The following ARMCX4 variants were observed in gnomAD, a reference collection of about 807,000 sequenced individuals.
The protein encoded by ARMCX4 is armadillo repeat-containing X-linked protein 4.
Under a neutral mutation model 34.7 loss-of-function variants are expected in ARMCX4, and 3 were observed. The ratio of observed to expected loss-of-function variants is 0.09; its 90% CI spans 0.04 to 0.22. ARMCX4 has a LOEUF of 0.22. Ranked by LOEUF, ARMCX4 falls within the 10% of genes least tolerant of loss-of-function variation. ARMCX4 has a pLI of 1.00. For missense variants in ARMCX4, 1,448 were observed against 1,720.8 expected, an observed-to-expected ratio of 0.84 and a Z score of 2.81; for synonymous variants, 513 against 632.8, an observed-to-expected ratio of 0.81 and a Z score of 2.84.
Position 101,491,005 on chromosome X carries a change from A to G in ARMCX4, c.2416A>G (p.Asn806Asp), listed in dbSNP as rs782714483. ...SHCETLPGAK[N>D]KVRGNWNAVS... ...TTGTGAGACCTTGCCTGGTGCCAAG[A>G]ATAAGGTCAGGGGAAATTGGAATGC... Residue 806 changes from asparagine to aspartate, a missense_variant, in exon 6 of 6, where the codon AAT becomes GAT. Asn to Asp is a conservative substitution (Grantham distance 23). Around this residue, in one of 2 missense-constraint regions of ARMCX4, gnomAD observed 1,343 missense variants for 1,540.7 expected, o/e 0.87. Transcript: ENST00000423738. 8.7e-7 allele frequency: 1 copy of G among 1,153,088 alleles called. No individual in the cohort carries two copies. The highest frequency in any genetic ancestry group is 1.8e-5 in the African/African-American group (1 of 55,322).
At position 101,489,273 on chromosome X, in the gene ARMCX4, T is replaced by A. The variant is rs1171634334; in HGVS notation, c.684T>A (p.Thr228=). Residue 228 remains threonine, a synonymous_variant, in exon 6 of 6, where the codon ACT becomes ACA. Transcript: ENST00000423738. ...CCAAGATGGGGGCCACGAACAAGAC[T>A]GGAATTGTGGATGAAACCAAGACAA... ...EVAKMGATNK[T]GIVDETKTRA... 24 of 1,154,083 alleles carry A rather than the reference T, an allele frequency of 2.1e-5. No homozygotes were observed. In the Admixed American group the frequency reaches 4.2e-4, roughly 20 times the overall value.
At chrX:101,473,220 C>A (rs1932992123) in intron 4 of ARMCX4, among the ~76,000 whole-genome samples, 1 of 110,083 alleles carries the variant, frequency 9.1e-6, no homozygotes, top group Non-Finnish European at 1.9e-5. Flanking sequence ...AAGGCCATTA[C>A]TTAATGGTAA....
Position 101,488,947 on chromosome X carries a change from G to A in ARMCX4, c.358G>A (p.Val120Met). The A allele has an allele frequency of 8.6e-7, 1 of 1,156,156 alleles. No individual in the cohort carries two copies. Among genetic ancestry groups the A allele is most frequent in the African/African-American group, 1.8e-5 (1 of 56,387 alleles). ...AGAGACTCAATCTGAGTCCAAAGTG[G>A]TGGCTGGAACACTGGTCATGACAGA... is the stretch of plus-strand genomic sequence containing the variant. ...EPETQSESKV[V>M]AGTLVMTEAV... The change falls in exon 6 of 6, where the codon GTG (valine) becomes ATG (methionine). Residue 120 changes from valine (V) to methionine (M), a missense_variant. By Grantham distance (21) the Val-to-Met change is conservative. This residue lies in a region of ARMCX4 where 1,343 missense variants were observed against 1,540.7 expected (regional missense o/e 0.87). Coordinates refer to ENST00000423738, the MANE Select transcript of ARMCX4 (RefSeq NM_001256155.3).
intron 2 of ARMCX4, among the ~76,000 whole-genome samples, chrX:101,432,388 C>T (rs1284754080): frequency 9.0e-5 from 10 of 111,556 alleles, no homozygotes; most frequent in African/African-American, 2.9e-4. Flanking sequence ...TAGGGCTGGG[C>T]GCGGTGGCTC....
At chrX:101,448,354 T>C (rs148605143), downstream of ARMCX4, among the ~76,000 whole-genome samples, 194 of 112,175 alleles carry the variant, frequency 1.7e-3, no homozygotes, top group Non-Finnish European at 3.1e-3. Flanking sequence ...TTTGATTATG[T>C]GCCCAGAAGT....
chrX:101,436,103 CT>C (rs1345715751), intron 2 of ARMCX4, among the ~76,000 whole-genome samples: 14 of 109,812 alleles, frequency 1.3e-4, no homozygotes, highest in African/African-American at 4.3e-4. Context: ...GTTCTTTTGG[CT>C]TAGGATTGAC....
At chrX:101,437,144 A>T (rs1930850363) in intron 2 of ARMCX4, among the ~76,000 whole-genome samples, 1 of 111,832 alleles carries the variant, frequency 8.9e-6, no homozygotes, top group Admixed American at 9.5e-5. Flanking sequence ...TGGTATCAAG[A>T]TGATGCTGGC....
At chrX:101,530,147 T>A (rs1448941538) in intron 11 of ARMCX4, among the ~76,000 whole-genome samples, 6 of 112,036 alleles carry the variant, frequency 5.4e-5, no homozygotes, top group South Asian at 7.4e-4. Flanking sequence ...TGGAAGACTA[T>A]GCAGCCATAA....
At chrX:101,425,720 A>C (rs1306282583) in intron 2 of ARMCX4, among the ~76,000 whole-genome samples, 1 of 110,949 alleles carries the variant, frequency 9.0e-6, no homozygotes, top group East Asian at 2.9e-4. Context: ...GAAACAAAGA[A>C]TATAGGCAGC....
At chrX:101,519,914 G>A (rs1312226721) in intron 11 of ARMCX4, among the ~76,000 whole-genome samples, 2 of 110,821 alleles carry the variant, frequency 1.8e-5, no homozygotes, top group Non-Finnish European at 3.8e-5. Context: ...TTTCCCTAAT[G>A]ATTAGTGATG....
chrX:101,509,419 A>G (rs1556015889), exon 9 of ARMCX4: 1 of 111,600 alleles, frequency 9.0e-6, no homozygotes, highest in East Asian at 2.8e-4. Context: ...CACTTCTGAG[A>G]TCTTTCAGGT....
At chrX:101,468,894 A>G (rs1932842689) in intron 4 of ARMCX4, among the ~76,000 whole-genome samples, 1 of 112,168 alleles carries the variant, frequency 8.9e-6, no homozygotes, top group African/African-American at 3.2e-5. Flanking sequence ...ATAAATAAAA[A>G]GACTGATGCA....
Position 101,488,663 on chromosome X carries a change from A to G in ARMCX4, c.74A>G (p.Tyr25Cys), listed in dbSNP as rs1556007576. 1.7e-6 allele frequency: 2 copies of G among 1,156,265 alleles called. No homozygotes were observed. Among genetic ancestry groups the G allele is most frequent in the Admixed American group, 5.2e-5 (2 of 38,770 alleles). The change falls in exon 6 of 6, where the codon TAC becomes TGC. Residue 25 changes from tyrosine to cysteine, a missense_variant. Around this residue, in one of 2 missense-constraint regions of ARMCX4, gnomAD observed 1,343 missense variants for 1,540.7 expected, o/e 0.87. Coordinates refer to ENST00000423738, the MANE Select transcript of ARMCX4 (RefSeq NM_001256155.3). ...TGGGCTGGCACCTGCTACTACATTT[A>G]CAAATTTACCAAGGGAAGAGCCCAG... ...VIWAGTCYYI[Y>C]KFTKGRAQSV...
At chrX:101,421,203 CAAA>C (rs545262345) in intron 2 of ARMCX4, among the ~76,000 whole-genome samples, 1 of 39,163 alleles carries the variant, frequency 2.6e-5, no homozygotes, top group Non-Finnish European at 5.0e-5. Flanking sequence ...AACTCTGTCT[CAAA>C]AAAAAAAAAA....
At chrX:101,520,386 C>T (rs908148981) in intron 11 of ARMCX4, among the ~76,000 whole-genome samples, 78 of 112,246 alleles carry the variant, frequency 6.9e-4, no homozygotes, top group African/African-American at 2.4e-3. Context: ...CCATTGAATA[C>T]GTTATCTGTG....
At chrX:101,534,271 T>C (rs1320360563), downstream of ARMCX4, among the ~76,000 whole-genome samples, 9 of 111,688 alleles carry the variant, frequency 8.1e-5, no homozygotes, top group African/African-American at 2.9e-4. Flanking sequence ...GGTTGTTGGA[T>C]AGAAAGATAT....
At chrX:101,448,553 T>C (rs899516763), downstream of ARMCX4, among the ~76,000 whole-genome samples, 2 of 111,886 alleles carry the variant, frequency 1.8e-5, no homozygotes, top group Non-Finnish European at 3.8e-5. Context: ...GGGGTATAAC[T>C]GGGGTAAGAT....
At chrX:101,512,892 G>C (rs1206639397) in intron 11 of ARMCX4, among the ~76,000 whole-genome samples, 1 of 103,439 alleles carries the variant, frequency 9.7e-6, no homozygotes, top group African/African-American at 3.5e-5. Context: ...AGAGAGAGAA[G>C]AGAGAGAGAG....
intron 4 of ARMCX4, among the ~76,000 whole-genome samples, chrX:101,468,285 CTTTTCTTTT>C (rs1932828217): frequency 9.1e-6 from 1 of 110,136 alleles, no homozygotes; most frequent in Non-Finnish European, 1.9e-5. Context: ...GAGTATTTTT[CTTTTCTTTT>C]TTTTCTTTTT....
Sources: gnomAD v4.1 joint callset for allele counts (sites outside exome capture counted in the v4.1 genomes callset) on GRCh38, gnomAD v4.1.1 for gene constraint, gnomAD v4.1.1 regional missense constraint, MANE v1.5 for transcripts, NCBI Gene and HGNC (gene_info 2026-07-23, HGNC 2026-07-21) for gene names.